The following CUX2 variants were observed in gnomAD, a reference collection of about 807,000 sequenced individuals.
CUX2 encodes homeobox protein cut-like 2.
A neutral mutation model predicts 144.8 loss-of-function variants in CUX2; 40 were observed. The observed-to-expected ratio is 0.28, with a 90% CI of 0.21 to 0.36. CUX2 has a LOEUF of 0.36. CUX2 is among the 10% of genes least tolerant of loss of function. CUX2 has a pLI of 1.00. For synonymous variants in CUX2, 827 were observed against 875.6 expected (o/e 0.94, Z 0.98); for missense variants, 1,615 against 1,994.0 (o/e 0.81, Z 3.62).
intron 3 of CUX2, among the ~76,000 whole-genome samples, chr12:111,236,423 G>A (rs1882748345): frequency 6.6e-6 from 1 of 152,220 alleles, no homozygotes; most frequent in African/African-American, 2.4e-5. Flanking sequence ...TATTATGCCT[G>A]TTGTAGAGAT....
intron 3 of CUX2, among the ~76,000 whole-genome samples, chr12:111,254,012 G>T (rs1883692802): frequency 6.6e-6 from 1 of 152,114 alleles, no homozygotes; most frequent in South Asian, 2.1e-4. Context: ...TTGCAGGTGT[G>T]AGCCACCATG....
chr12:111,094,776 GC>G (rs1178396427), intron 1 of CUX2, among the ~76,000 whole-genome samples: 1 of 152,178 alleles, frequency 6.6e-6, no homozygotes, highest in Non-Finnish European at 1.5e-5. Flanking sequence ...GAGATGACAG[GC>G]ATGAGCCACT....
intron 1 of CUX2, among the ~76,000 whole-genome samples, chr12:111,116,975 T>G (rs1874342711): frequency 6.6e-6 from 1 of 152,192 alleles, no homozygotes; most frequent in South Asian, 2.1e-4. Context: ...AGTGGCAGAT[T>G]CAAATGTAAA....
chr12:111,099,524 G>T, intron 1 of CUX2: 1 of 456,664 alleles, frequency 2.2e-6, no homozygotes, highest in Non-Finnish European at 4.4e-6. Flanking sequence ...TTGTGGGGAG[G>T]TGGGGGTGGC....
intron 1 of CUX2, among the ~76,000 whole-genome samples, chr12:111,060,625 T>C (rs1334234979): frequency 6.6e-6 from 1 of 152,204 alleles, no homozygotes; most frequent in South Asian, 2.1e-4. Context: ...GAAGCAGGGA[T>C]CTCACTCCTG....
At chr12:111,219,191 C>T (rs1043980193) in intron 3 of CUX2, among the ~76,000 whole-genome samples, 1 of 152,174 alleles carries the variant, frequency 6.6e-6, no homozygotes, top group African/African-American at 2.4e-5. Flanking sequence ...TGGATTTACA[C>T]AAATGTCGCT....
chr12:111,106,513 G>T (rs575846087), intron 1 of CUX2, among the ~76,000 whole-genome samples: 4 of 152,196 alleles, frequency 2.6e-5, no homozygotes, highest in Non-Finnish European at 5.9e-5. Context: ...GCCCAGGCTG[G>T]TCTCAAACTC....
chr12:111,122,224 C>A (rs569016414), intron 1 of CUX2, among the ~76,000 whole-genome samples: 36 of 152,338 alleles, frequency 2.4e-4, no homozygotes, highest in Non-Finnish European at 3.8e-4. Context: ...TTCTCTCCCC[C>A]ACCCGTCCTC....
At chr12:111,140,067 T>G (rs191242176) in intron 1 of CUX2, among the ~76,000 whole-genome samples, 1 of 152,322 alleles carries the variant, frequency 6.6e-6, no homozygotes, top group Admixed American at 6.5e-5. Flanking sequence ...ATTTGGCATT[T>G]CCAGTAACTT....
intron 1 of CUX2, among the ~76,000 whole-genome samples, chr12:111,189,378 C>T (rs1458068748): frequency 6.6e-6 from 1 of 152,178 alleles, no homozygotes; most frequent in Non-Finnish European, 1.5e-5. Flanking sequence ...TAACCATTCT[C>T]CTGCCTCCGA....
At chr12:111,346,330 G>T (rs1698669794) in intron 21 of CUX2, among the ~76,000 whole-genome samples, 1 of 151,452 alleles carries the variant, frequency 6.6e-6, no homozygotes, top group Non-Finnish European at 1.5e-5. Context: ...ACAAAAATTA[G>T]CCTGGCATGA....
In CUX2 at chr12:111,347,646, C is replaced by T. The variant is rs1458468200; in HGVS notation, c.3782C>T (p.Pro1261Leu). 2.5e-6 allele frequency: 4 copies of T among 1,613,848 alleles called. No homozygotes were observed. The highest frequency in any genetic ancestry group is 3.4e-6 in the Non-Finnish European group (4 of 1,179,902). ...HSHPDPTPQS[P>L]DSETEDQKPT... is the part of the protein sequence containing the mutation. Reference sequence around the variant, plus strand: ...CACCCAGACCCCACCCCGCAGAGCCCTGACTCTGAGACTGAGGACCAGAAG... The same window carrying T: ...CACCCAGACCCCACCCCGCAGAGCCTTGACTCTGAGACTGAGGACCAGAAG... Residue 1261 changes from proline (P) to leucine (L), a missense_variant, in exon 22 of 22, where the codon CCT becomes CTT. This residue lies in a region of CUX2 where 298 missense variants were observed against 330.4 expected (regional missense o/e 0.90). Transcript: ENST00000261726.
At chr12:111,217,999 A>C (rs1592850027) in intron 3 of CUX2, 62 bp downstream of exon 3, 1 of 1,581,732 alleles carries the variant, frequency 6.3e-7, no homozygotes, top group Non-Finnish European at 8.7e-7. Flanking sequence ...CTCCTATCCC[A>C]CCTAGAGTTG....
At chr12:111,188,174 C>G (rs1439060677) in intron 1 of CUX2, among the ~76,000 whole-genome samples, 1 of 152,204 alleles carries the variant, frequency 6.6e-6, no homozygotes, top group East Asian at 1.9e-4. Context: ...TTATTGAGCA[C>G]CTACTGTGTG....
At chr12:111,298,273 G>A (rs1886114760) in intron 8 of CUX2, among the ~76,000 whole-genome samples, 1 of 152,216 alleles carries the variant, frequency 6.6e-6, no homozygotes, top group Admixed American at 6.5e-5. Flanking sequence ...GGCATTCCAG[G>A]CACTACCAGG....
At chr12:111,331,187 C>T (rs1888106771) in intron 18 of CUX2, among the ~76,000 whole-genome samples, 1 of 151,774 alleles carries the variant, frequency 6.6e-6, no homozygotes, top group Admixed American at 6.6e-5. Flanking sequence ...CAATGGGGAG[C>T]CATTGATGAT....
intron 1 of CUX2, among the ~76,000 whole-genome samples, chr12:111,122,380 CAA>C (rs1437240089): frequency 6.6e-6 from 1 of 151,860 alleles, no homozygotes; most frequent in Admixed American, 6.6e-5. Context: ...AGTCAACACT[CAA>C]GAGTATACAC....
At chr12:111,036,900 C>A (rs551238394) in intron 1 of CUX2, among the ~76,000 whole-genome samples, 1 of 139,686 alleles carries the variant, frequency 7.2e-6, no homozygotes, top group Non-Finnish European at 1.6e-5. Flanking sequence ...CGCAGCCCCC[C>A]ACCCCCACCC....
intron 3 of CUX2, among the ~76,000 whole-genome samples, chr12:111,219,840 G>A (rs1881745192): frequency 6.6e-6 from 1 of 152,038 alleles, no homozygotes; most frequent in Non-Finnish European, 1.5e-5. Context: ...TCTGTAAAAT[G>A]GAATAATAAT....
Sources: gnomAD v4.1 joint callset for allele counts (sites outside exome capture counted in the v4.1 genomes callset) on GRCh38, gnomAD v4.1.1 for gene constraint, gnomAD v4.1.1 regional missense constraint, MANE v1.5 for transcripts, NCBI Gene and HGNC (gene_info 2026-07-23, HGNC 2026-07-21) for gene names.